Variants in GRIP1 observed in about 807,000 individuals in gnomAD.
GRIP1 encodes glutamate receptor interacting protein 1.
In GRIP1, 45 loss-of-function variants were observed where a neutral mutation model predicts 129.9. The ratio of observed to expected loss-of-function variants is 0.35; its 90% CI spans 0.27 to 0.44. GRIP1 has a LOEUF of 0.44. Among genes scored for constraint, GRIP1 ranks in the 20% least tolerant of loss-of-function variants. GRIP1 has a pLI of 1.00. For synonymous variants in GRIP1, 530 were observed against 520.8 expected, an observed-to-expected ratio of 1.02 and a Z score of -0.24; for missense variants, 1,196 against 1,396.8, an observed-to-expected ratio of 0.86 and a Z score of 2.29.
Position 66,821,242 on chromosome 12 carries a change from T to C in GRIP1, c.59-224315A>G, listed in dbSNP as rs535847877. 1.2e-3 allele frequency among the ~76,000 whole-genome samples: 186 copies of C among 152,308 alleles called. 1 individual carries two copies. Among genetic ancestry groups the C allele is most frequent in the Non-Finnish European group, 2.0e-3 (139 of 68,028 alleles). On this transcript the variant is annotated intron_variant, in intron 1 of 1. Coordinates refer to the GRIP1 transcript ENST00000643019. ...AGTATATATAGTAAAATTATAAACT[T>C]GGTAGAGACAAGTTAGCAAATTTAG...
chr12:66,369,934 G>A (rs2055391688), intron 23 of GRIP1, among the ~76,000 whole-genome samples: 1 of 152,134 alleles, frequency 6.6e-6, no homozygotes, highest in Admixed American at 6.6e-5. Context: ...CCTGTGGCTG[G>A]GGCCTAAACC....
chr12:66,668,779 A>G (rs1797285336), intron 1 of GRIP1, among the ~76,000 whole-genome samples: 3 of 151,914 alleles, frequency 2.0e-5, no homozygotes, highest in Non-Finnish European at 4.4e-5. Flanking sequence ...AAAAAGAAAA[A>G]AAAATAATAA....
At chr12:66,504,837 G>A (rs1280644148) in intron 7 of GRIP1, among the ~76,000 whole-genome samples, 1 of 152,150 alleles carries the variant, frequency 6.6e-6, no homozygotes, top group African/African-American at 2.4e-5. Flanking sequence ...TTATTCATTT[G>A]TTTGAAAAAT....
intron 1 of GRIP1, among the ~76,000 whole-genome samples, chr12:67,017,929 G>A (rs1051165571): frequency 2.0e-5 from 3 of 152,284 alleles, no homozygotes; most frequent in Non-Finnish European, 2.9e-5. Context: ...AGATGGCTCC[G>A]GTTGCAGAAT....
chr12:66,981,847 G>A (rs2042245938), intron 1 of GRIP1, among the ~76,000 whole-genome samples: 1 of 152,150 alleles, frequency 6.6e-6, no homozygotes, highest in African/African-American at 2.4e-5. Flanking sequence ...ACAGCCTACT[G>A]GAAAAGAAAG....
intron 1 of GRIP1, among the ~76,000 whole-genome samples, chr12:66,819,947 T>C (rs894319844): frequency 2.0e-5 from 3 of 152,170 alleles, no homozygotes; most frequent in East Asian, 1.9e-4. Context: ...ATTGATGAAT[T>C]TCTGGAGTGT....
At chr12:66,761,830 T>C (rs10878503) in intron 1 of GRIP1, among the ~76,000 whole-genome samples, 15,746 of 152,154 alleles carry the variant, frequency 0.1, 928 homozygotes, top group Middle Eastern at 0.19. Context: ...TGTGTTTCAT[T>C]AAGCAACTAA....
At chr12:66,769,665 C>T (rs942921840) in intron 1 of GRIP1, among the ~76,000 whole-genome samples, 3 of 152,052 alleles carry the variant, frequency 2.0e-5, no homozygotes, top group African/African-American at 7.2e-5. Flanking sequence ...TCTCTTATTG[C>T]TGCAAATCCT....
At chr12:66,894,214 T>C (rs1344362355) in intron 1 of GRIP1, among the ~76,000 whole-genome samples, 1 of 152,180 alleles carries the variant, frequency 6.6e-6, no homozygotes, top group Non-Finnish European at 1.5e-5. Context: ...AAGTACCCAT[T>C]GGGGTTCATG....
chr12:66,506,199 T>C (rs554107486), intron 7 of GRIP1, among the ~76,000 whole-genome samples: 13 of 152,158 alleles, frequency 8.5e-5, no homozygotes, highest in Non-Finnish European at 1.9e-4. Context: ...TATAATCTTA[T>C]GGAAATGCAT....
At chr12:66,378,384 G>A (rs1191264624) in intron 20 of GRIP1, among the ~76,000 whole-genome samples, 1 of 152,140 alleles carries the variant, frequency 6.6e-6, no homozygotes, top group Non-Finnish European at 1.5e-5. Flanking sequence ...CCTGGGAGGT[G>A]GAGGTTGCAG....
chr12:67,000,420 C>T (rs1386561427), intron 1 of GRIP1, among the ~76,000 whole-genome samples: 1 of 152,128 alleles, frequency 6.6e-6, no homozygotes, highest in East Asian at 1.9e-4. Context: ...TAATCACTTA[C>T]TCTTATTGTG....
chr12:66,725,871 A>C (rs1187204688), intron 1 of GRIP1, among the ~76,000 whole-genome samples: 1 of 152,188 alleles, frequency 6.6e-6, no homozygotes, highest in Non-Finnish European at 1.5e-5. Context: ...CTCACTACTG[A>C]GTTGTGATCC....
At chr12:66,587,515 C>G (rs1293054284) in intron 2 of GRIP1, among the ~76,000 whole-genome samples, 1 of 152,240 alleles carries the variant, frequency 6.6e-6, no homozygotes, top group East Asian at 1.9e-4. Flanking sequence ...CCTGCCAGCT[C>G]CAGGAGGACA....
chr12:66,771,862 G>A (rs2037829300), intron 1 of GRIP1, among the ~76,000 whole-genome samples: 1 of 152,170 alleles, frequency 6.6e-6, no homozygotes, highest in South Asian at 2.1e-4. Context: ...TTACATCTGT[G>A]GAGGCTCACT....
chr12:66,465,256 C>T lies in GRIP1; in HGVS notation c.872+19G>A. ...CCACTGCGCCTGGCGGAAAAGTAGG[C>T]ACTTTCTACAATACTTACCTGTCTG... On this transcript the variant is annotated intron_variant, in intron 8 of 24. Coordinates refer to ENST00000359742, the MANE Select transcript of GRIP1 (RefSeq NM_001366722.1). 6.2e-7 allele frequency: 1 copy of T among 1,610,856 alleles called. No individual in the cohort carries two copies. Among genetic ancestry groups the T allele is most frequent in the Non-Finnish European group, 8.5e-7 (1 of 1,177,422 alleles).
chr12:66,538,099 A>G (rs1268703866), intron 4 of GRIP1, among the ~76,000 whole-genome samples: 2 of 151,902 alleles, frequency 1.3e-5, no homozygotes, highest in African/African-American at 4.8e-5. Flanking sequence ...TGTCTGCTCT[A>G]TCCATCTGGA....
At chr12:66,869,171 TG>T (rs898973809) in intron 1 of GRIP1, among the ~76,000 whole-genome samples, 6 of 152,004 alleles carry the variant, frequency 3.9e-5, no homozygotes, top group African/African-American at 1.4e-4. Flanking sequence ...TAGTATTCCC[TG>T]ACAGCCTGGC....
chr12:66,591,780 C>T (rs1403063503), intron 2 of GRIP1, among the ~76,000 whole-genome samples: 1 of 152,084 alleles, frequency 6.6e-6, no homozygotes, highest in African/African-American at 2.4e-5. Context: ...CACGTGCATG[C>T]CACCATCCCC....
Sources: gnomAD v4.1 joint callset for allele counts (sites outside exome capture counted in the v4.1 genomes callset) on GRCh38, gnomAD v4.1.1 for gene constraint, MANE v1.5 for transcripts, NCBI Gene and HGNC (gene_info 2026-07-23, HGNC 2026-07-21) for gene names.